ADAMTS12: variants seen among roughly 807,000 people sequenced by gnomAD.
ADAMTS12 encodes the protein A disintegrin and metalloproteinase with thrombospondin motifs 12.
A neutral mutation model predicts 167.8 loss-of-function variants in ADAMTS12; 118 were observed. The ratio of observed to expected loss-of-function variants is 0.70; its 90% CI spans 0.61 to 0.82. ADAMTS12 has a LOEUF of 0.82. Among genes scored for constraint, ADAMTS12 ranks in the 40% least tolerant of loss-of-function variants. The pLI is 0.00. For missense variants in ADAMTS12, 1,916 were observed against 1,998.8 expected (o/e 0.96, Z 0.79); for synonymous variants, 704 against 716.9 (o/e 0.98, Z 0.29).
intron 17 of ADAMTS12, among the ~76,000 whole-genome samples, chr5:33,594,279 G>A (rs191875407): frequency 1.3e-5 from 2 of 152,236 alleles, no homozygotes; most frequent in East Asian, 1.9e-4. Flanking sequence ...TTCCCCTTCT[G>A]CCACGATTGT....
At chr5:33,575,615 A>G (rs1746655046) in intron 19 of ADAMTS12, among the ~76,000 whole-genome samples, 1 of 152,200 alleles carries the variant, frequency 6.6e-6, no homozygotes. Flanking sequence ...TGGCACTTGA[A>G]CATAGACCAC....
chr5:33,692,540 T>C (rs1443194951), intron 3 of ADAMTS12, among the ~76,000 whole-genome samples: 1 of 152,226 alleles, frequency 6.6e-6, no homozygotes, highest in Non-Finnish European at 1.5e-5. Context: ...AGTAACAATA[T>C]TTTAAATAAA....
intron 2 of ADAMTS12, among the ~76,000 whole-genome samples, chr5:33,792,354 A>G (rs1266668771): frequency 6.6e-6 from 1 of 152,164 alleles, no homozygotes; most frequent in African/African-American, 2.4e-5. Flanking sequence ...TATAGAGCCA[A>G]TTGCTTGATA....
rs1399406587 is a variant in ADAMTS12 at position 33,649,830 on chromosome 5, G to T, written c.1191-133C>A. On this transcript the variant is annotated intron_variant, in intron 7 of 23. Coordinates refer to ENST00000504830, the MANE Select transcript of ADAMTS12 (RefSeq NM_030955.4). The stretch of plus-strand genomic sequence containing the variant: ...TACAGAAGGCAACTGTTTGCAAAGT[G>T]AGACTTTGAAGTCGGAGGGGCATAG... 6 of 1,222,434 alleles carry T rather than the reference G, an allele frequency of 4.9e-6. No homozygotes were observed. In the Admixed American group the frequency reaches 1.3e-4, roughly 27 times the overall value. The allele number at this position is 1,222,434 out of a possible 1,614,324, so 75.7% of individuals were successfully genotyped here.
chr5:33,766,653 AAC>A (rs1270145313), intron 2 of ADAMTS12, among the ~76,000 whole-genome samples: 4 of 152,144 alleles, frequency 2.6e-5, no homozygotes, highest in Non-Finnish European at 2.9e-5. Flanking sequence ...TAATTTTAAA[AAC>A]AGTCTAAAAT....
intron 2 of ADAMTS12, among the ~76,000 whole-genome samples, chr5:33,752,208 G>A (rs1745015250): frequency 6.6e-6 from 1 of 152,160 alleles, no homozygotes; most frequent in Non-Finnish European, 1.5e-5. Flanking sequence ...CCTTTTAGAG[G>A]TCAGGTCTAG....
Position 33,800,086 on chromosome 5 carries a change from G to A in ADAMTS12, c.490-48538C>T, listed in dbSNP as rs192061233. Among the ~76,000 whole-genome samples, 4 of 152,310 alleles carry A rather than the reference G, an allele frequency of 2.6e-5. No homozygotes were observed. The East Asian group carries it at 7.7e-4, about 29-fold the overall frequency. ...CCAAAGGGGATACCAATATGACACT[G>A]ACTTTGATGACTTTAGCAAAATACA... On this transcript the variant is annotated intron_variant, in intron 2 of 23. Transcript: ENST00000504830.
At chr5:33,595,854 A>G in intron 17 of ADAMTS12, 80 bp downstream of exon 17, 2 of 1,554,020 alleles carry the variant, frequency 1.3e-6, no homozygotes, top group Non-Finnish European at 1.7e-6. Context: ...ATATTTCTTT[A>G]TCAGCAAGCA....
At chr5:33,630,716 A>T (rs1267468994) in intron 13 of ADAMTS12, 64 bp downstream of exon 13, 1 of 1,550,862 alleles carries the variant, frequency 6.4e-7, no homozygotes, top group African/African-American at 1.4e-5. Context: ...AGAACATCTG[A>T]CTTCCCAAAT....
intron 5 of ADAMTS12, among the ~76,000 whole-genome samples, chr5:33,678,415 C>T (rs549265980): frequency 2.6e-5 from 4 of 152,270 alleles, no homozygotes; most frequent in African/African-American, 9.6e-5. Flanking sequence ...GAAACGGTAT[C>T]GATTAAATAG....
chr5:33,730,424 T>C lies in ADAMTS12; in HGVS notation c.634+20980A>G, dbSNP rs114326814. On this transcript the variant is annotated intron_variant, in intron 3 of 23. Coordinates refer to ENST00000504830, the MANE Select transcript of ADAMTS12 (RefSeq NM_030955.4). ...GAGGCAGGAGGGGCCACAAAAGCTG[T>C]CCTTTTTGTTTCCTTCCCTGTGTCT... is the stretch of plus-strand genomic sequence containing the variant. Among the ~76,000 whole-genome samples, 1,482 of 152,066 alleles carry C rather than the reference T, an allele frequency of 9.7e-3. 22 individuals are homozygous for C. The highest frequency in any genetic ancestry group is 0.034 in the African/African-American group (1,426 of 41,476).
intron 5 of ADAMTS12, among the ~76,000 whole-genome samples, chr5:33,667,177 G>A (rs1741502839): frequency 1.3e-5 from 2 of 151,956 alleles, no homozygotes; most frequent in African/African-American, 4.8e-5. Context: ...AATTAGCTGG[G>A]CGTGGTGGTG....
At chr5:33,738,898 G>A (rs1744466993) in intron 3 of ADAMTS12, among the ~76,000 whole-genome samples, 1 of 152,232 alleles carries the variant, frequency 6.6e-6, no homozygotes, top group Non-Finnish European at 1.5e-5. Flanking sequence ...GCCCTTTCTG[G>A]TGTCAATTTA....
chr5:33,882,772 G>A (rs998900945), intron 1 of ADAMTS12, among the ~76,000 whole-genome samples: 8 of 152,092 alleles, frequency 5.3e-5, no homozygotes, highest in African/African-American at 1.2e-4. Context: ...TGTATTTTTC[G>A]TAGAGATGGG....
intron 2 of ADAMTS12, among the ~76,000 whole-genome samples, chr5:33,876,869 C>T (rs1257374004): frequency 6.6e-6 from 1 of 152,176 alleles, no homozygotes; most frequent in East Asian, 1.9e-4. Flanking sequence ...GTAGAGGGTA[C>T]ATACTAATAC....
intron 3 of ADAMTS12, among the ~76,000 whole-genome samples, chr5:33,736,971 A>G (rs139477414): frequency 1.1e-3 from 167 of 152,282 alleles, no homozygotes; most frequent in African/African-American, 3.6e-3. Flanking sequence ...ATCCTCCATC[A>G]TGGTCCCTGG....
chr5:33,642,060 C>T, intron 10 of ADAMTS12, 105 bp from the exon 11 acceptor site: 1 of 1,186,810 alleles, frequency 8.4e-7, no homozygotes. Flanking sequence ...AGCAAGCCGG[C>T]TTTCTACAGT....
At chr5:33,569,358 G>C (rs938270510) in intron 19 of ADAMTS12, among the ~76,000 whole-genome samples, 11 of 152,226 alleles carry the variant, frequency 7.2e-5, no homozygotes, top group African/African-American at 2.7e-4. Context: ...AGTAGGGGCA[G>C]ACTGACACCT....
chr5:33,534,129 C>T (rs533822128), intron 23 of ADAMTS12, among the ~76,000 whole-genome samples: 1 of 152,300 alleles, frequency 6.6e-6, no homozygotes, highest in South Asian at 2.1e-4. Flanking sequence ...CGCAGAGAGC[C>T]TCCTGTAAAT....
Sources: allele counts gnomAD v4.1 joint callset (sites outside exome capture counted in the v4.1 genomes callset), GRCh38; gene constraint gnomAD v4.1.1; transcripts MANE v1.5; gene names NCBI Gene and HGNC (gene_info 2026-07-23, HGNC 2026-07-21).